CFAP54: variants seen among roughly 807,000 people sequenced by gnomAD.
CFAP54 encodes cilia- and flagella-associated protein 54.
A neutral mutation model predicts 370.4 loss-of-function variants in CFAP54; 290 were observed. The observed-to-expected ratio is 0.78, with a 90% confidence interval of 0.71 to 0.86. The LOEUF is 0.86. Among genes scored for constraint, CFAP54 ranks in the 40% least tolerant of loss-of-function variants. CFAP54 has a pLI of 0.00. For missense variants in CFAP54, 3,399 were observed against 3,528.7 expected (o/e 0.96, Z 0.93); for synonymous variants, 1,206 against 1,236.5 (o/e 0.98, Z 0.52).
At chr12:96,806,665 T>A (rs1437801811) in intron 63 of CFAP54, among the ~76,000 whole-genome samples, 4 of 152,014 alleles carry the variant, frequency 2.6e-5, no homozygotes, top group Non-Finnish European at 4.4e-5. Flanking sequence ...TCAACTTAGA[T>A]GTTGGAAGTG....
chr12:96,595,345 C>G (rs187316928), intron 25 of CFAP54, among the ~76,000 whole-genome samples: 4 of 152,180 alleles, frequency 2.6e-5, no homozygotes, highest in African/African-American at 9.6e-5. Context: ...TCATACAGGG[C>G]ATGTACACCA....
rs769801645 is a variant in CFAP54 at position 96,589,439 on chromosome 12, G to T, written c.3088G>T (p.Val1030Phe). 2.6e-6 allele frequency: 4 copies of T among 1,531,864 alleles called. No homozygotes were observed. Among genetic ancestry groups the T allele is most frequent in the Non-Finnish European group, 3.5e-6 (4 of 1,143,866 alleles). 94.9% of individuals were successfully genotyped at this position (1,531,864 alleles called of 1,614,324 possible). A position where few individuals can be genotyped will look rare whatever the true frequency, so the allele number is the denominator to read the frequency against. The change falls in exon 23 of 68, where the codon GTT becomes TTT. Residue 1030 changes from valine to phenylalanine, a missense_variant. Physicochemically the swap from Val to Phe is conservative, Grantham distance 50. Transcript: ENST00000524981. Reference sequence around the variant, plus strand: ...CTTTTTGTTATAGGTTGCCTATCAAGTTGGTAACTATGAATTGGCTAAGAA... The same window carrying T: ...CTTTTTGTTATAGGTTGCCTATCAATTTGGTAACTATGAATTGGCTAAGAA... The part of the protein sequence containing the change: ...RMFLTQVAYQ[V>F]GNYELAKKVF...
intron 63 of CFAP54, among the ~76,000 whole-genome samples, chr12:96,799,815 G>A (rs1958803509): frequency 2.6e-5 from 4 of 152,248 alleles, no homozygotes; most frequent in African/African-American, 7.2e-5. Flanking sequence ...AATGGGTCAA[G>A]GAGTATAGTG....
chr12:96,563,913 C>T (rs2136410186), intron 17 of CFAP54, among the ~76,000 whole-genome samples: 1 of 152,302 alleles, frequency 6.6e-6, no homozygotes, highest in East Asian at 1.9e-4. Context: ...CTTTACTGAA[C>T]CACCATGATG....
chr12:96,801,916 C>T (rs1376640203), intron 63 of CFAP54, among the ~76,000 whole-genome samples: 2 of 152,090 alleles, frequency 1.3e-5, no homozygotes, highest in Non-Finnish European at 2.9e-5. Context: ...CTAGGCTCTC[C>T]TATGCATATC....
intron 38 of CFAP54, among the ~76,000 whole-genome samples, chr12:96,659,553 A>G (rs1468360221): frequency 6.6e-6 from 1 of 152,256 alleles, no homozygotes; most frequent in Non-Finnish European, 1.5e-5. Context: ...TTGTATTTAT[A>G]CCAACGCAAT....
chr12:96,610,856 G>A (rs1438876319), intron 26 of CFAP54, among the ~76,000 whole-genome samples: 1 of 152,210 alleles, frequency 6.6e-6, no homozygotes, highest in Non-Finnish European at 1.5e-5. Flanking sequence ...ACCTGCCATT[G>A]CTGAGGCTTG....
At chr12:96,550,094 T>C (rs2136396433) in intron 15 of CFAP54, among the ~76,000 whole-genome samples, 1 of 152,350 alleles carries the variant, frequency 6.6e-6, no homozygotes, top group Non-Finnish European at 1.5e-5. Flanking sequence ...TGTATCCACC[T>C]TATACTGGGC....
Position 96,837,345 on chromosome 12 carries a change from G to C in CFAP54, c.9171+8257G>C, listed in dbSNP as rs368001608. Among the ~76,000 whole-genome samples, 18 of 152,258 alleles carry C rather than the reference G, an allele frequency of 1.2e-4. No individual in the cohort carries two copies. The East Asian group carries it at 1.5e-3, about 13-fold the overall frequency. ...CTGCAGTGATTGCTCTGCAATGCTAGCATCTTATCTGGTACTGAGTTATCA... is the reference window on the plus strand; with the variant it reads ...CTGCAGTGATTGCTCTGCAATGCTACCATCTTATCTGGTACTGAGTTATCA... On this transcript the variant is annotated intron_variant, in intron 66 of 67. Coordinates refer to ENST00000524981, the MANE Select transcript of CFAP54 (RefSeq NM_001306084.2).
At chr12:96,762,761 A>G (rs1310305163) in intron 58 of CFAP54, among the ~76,000 whole-genome samples, 2 of 144,986 alleles carry the variant, frequency 1.4e-5, no homozygotes, top group African/African-American at 5.1e-5. Context: ...CATTACAGCT[A>G]ATGATTAGGG....
intron 23 of CFAP54, among the ~76,000 whole-genome samples, chr12:96,591,784 G>A (rs184873034): frequency 5.5e-4 from 75 of 135,238 alleles, no homozygotes; most frequent in African/African-American, 1.8e-3. Flanking sequence ...CCAGCTACAC[G>A]GGAGGCTGAG....
In CFAP54 at chr12:96,511,370, G is replaced by A. The variant is rs12310065; in HGVS notation, c.740-1616G>A. 5.7e-3 allele frequency among the ~76,000 whole-genome samples: 863 copies of A among 152,286 alleles called. 8 individuals carry two copies. Among genetic ancestry groups the A allele is most frequent in the African/African-American group, 0.02 (820 of 41,552 alleles). On this transcript the variant is annotated intron_variant, in intron 4 of 67. Coordinates refer to ENST00000524981, the MANE Select transcript of CFAP54 (RefSeq NM_001306084.2). The stretch of plus-strand genomic sequence containing the variant: ...GACTCGCTCTGTCACCCAGGCTGCA[G>A]TGCAATGGCGCAATCTTGGCTCACT...
chr12:96,871,437 T>C (rs1448513043), intron 67 of CFAP54, among the ~76,000 whole-genome samples: 1 of 152,166 alleles, frequency 6.6e-6, no homozygotes, highest in Non-Finnish European at 1.5e-5. Flanking sequence ...ATAAAAGTGG[T>C]TGTCAGTAAT....
intron 39 of CFAP54, among the ~76,000 whole-genome samples, chr12:96,674,219 G>T (rs1957177965): frequency 6.6e-6 from 1 of 152,134 alleles, no homozygotes. Flanking sequence ...AGTGTAGGAA[G>T]CAGCCCAAAT....
At chr12:96,800,019 G>A (rs1958805308) in intron 63 of CFAP54, among the ~76,000 whole-genome samples, 2 of 152,080 alleles carry the variant, frequency 1.3e-5, no homozygotes, top group Non-Finnish European at 1.5e-5. Flanking sequence ...ATATCCATTC[G>A]GAGAGGGTTT....
At chr12:96,699,427 A>G (rs991637365) in intron 45 of CFAP54, among the ~76,000 whole-genome samples, 1 of 152,178 alleles carries the variant, frequency 6.6e-6, no homozygotes, top group Non-Finnish European at 1.5e-5. Flanking sequence ...CTGTATACCA[A>G]ACCCCTATGA....
intron 26 of CFAP54, among the ~76,000 whole-genome samples, chr12:96,604,608 T>C (rs1217272003): frequency 6.6e-6 from 1 of 152,244 alleles, no homozygotes; most frequent in Non-Finnish European, 1.5e-5. Context: ...TGTGGTGGGC[T>C]CTGCCCAGTT....
At chr12:96,542,450 T>A (rs1955587264) in intron 14 of CFAP54, among the ~76,000 whole-genome samples, 1 of 152,238 alleles carries the variant, frequency 6.6e-6, no homozygotes, top group South Asian at 2.1e-4. Flanking sequence ...TGGATTAAAA[T>A]GCTTTTTTTC....
intron 63 of CFAP54, among the ~76,000 whole-genome samples, chr12:96,809,370 A>T (rs1958909891): frequency 2.0e-5 from 3 of 151,982 alleles, no homozygotes; most frequent in Admixed American, 1.3e-4. Flanking sequence ...CTACGTTTTT[A>T]AATTTAGGTT....
Sources: allele counts gnomAD v4.1 joint callset (sites outside exome capture counted in the v4.1 genomes callset), GRCh38; gene constraint gnomAD v4.1.1; transcripts MANE v1.5; gene names NCBI Gene and HGNC (gene_info 2026-07-23, HGNC 2026-07-21).